Variants in PTPRD observed in about 807,000 individuals in gnomAD.
The protein encoded by PTPRD is protein tyrosine phosphatase receptor type D.
In PTPRD, 34 loss-of-function variants were observed where a neutral mutation model predicts 214.5. The observed-to-expected ratio is 0.16, with a 90% CI of 0.12 to 0.21. The LOEUF (loss-of-function observed/expected upper bound fraction) is 0.21. Among genes scored for constraint, PTPRD ranks in the 10% least tolerant of loss-of-function variants. The pLI is 1.00. For missense variants in PTPRD, 2,545 were observed against 2,398.7 expected, an observed-to-expected ratio of 1.06 and a Z score of -1.27; for synonymous variants, 1,128 against 845.7, an observed-to-expected ratio of 1.33 and a Z score of -5.79.
At chr9:10,257,247 T>A (rs2093352417) in intron 3 of PTPRD, among the ~76,000 whole-genome samples, 1 of 152,224 alleles carries the variant, frequency 6.6e-6, no homozygotes, top group Admixed American at 6.5e-5. Context: ...AGGTTGCCTA[T>A]ATCTGGTCCT....
intron 32 of PTPRD, among the ~76,000 whole-genome samples, chr9:8,464,824 CT>C (rs1056343256): frequency 6.6e-6 from 1 of 151,162 alleles, no homozygotes; most frequent in African/African-American, 2.4e-5. Flanking sequence ...GGAATTCTCT[CT>C]TTTATTAAAT....
chr9:10,213,137 G>C (rs2099524792), intron 3 of PTPRD, among the ~76,000 whole-genome samples: 1 of 152,044 alleles, frequency 6.6e-6, no homozygotes, highest in African/African-American at 2.4e-5. Context: ...CATGAAAAAT[G>C]TACTTTTATT....
In PTPRD at chr9:8,486,366, G is replaced by T. The variant is rs756235725; in HGVS notation, c.2468-17C>A. 51 of 1,604,208 alleles carry T rather than the reference G, an allele frequency of 3.2e-5. No homozygotes were observed. Among genetic ancestry groups the T allele is most frequent in the Non-Finnish European group, 4.2e-5 (49 of 1,171,232 alleles). ...TCCCTGGAACTGGAGCACATGGGAT[G>T]GAGTGGTAAGACCAACCAATCTGAA... On this transcript the variant is annotated splice_polypyrimidine_tract_variant and intron_variant, in intron 27 of 45. Transcript: ENST00000381196.
rs113064945 is a variant in PTPRD at position 9,112,328 on chromosome 9, G to C, written c.-143+70976C>G. ...GATGACTGTTTTAGAGGTAGAAGTA[G>C]TTAGGGGATCTGAGACACTTCTTAA... On this transcript the variant is annotated intron_variant, in intron 10 of 45. Coordinates refer to ENST00000381196, the MANE Select transcript of PTPRD (RefSeq NM_002839.4). Among the ~76,000 whole-genome samples the C allele has an allele frequency of 6.5e-3, 996 of 152,234 alleles. 11 individuals are homozygous for C. The highest frequency in any genetic ancestry group is 0.023 in the African/African-American group (953 of 41,552).
chr9:9,375,979 ATGTC>A (rs1277791564), intron 9 of PTPRD, among the ~76,000 whole-genome samples: 1 of 152,160 alleles, frequency 6.6e-6, no homozygotes, highest in Non-Finnish European at 1.5e-5. Context: ...ATAAAATAAA[ATGTC>A]TGTCAGGATT....
chr9:9,587,103 A>C (rs1280959161), intron 7 of PTPRD, among the ~76,000 whole-genome samples: 1 of 151,946 alleles, frequency 6.6e-6, no homozygotes, highest in African/African-American at 2.4e-5. Flanking sequence ...TGTTGTAAAG[A>C]GGGGAGACAA....
intron 35 of PTPRD, among the ~76,000 whole-genome samples, chr9:8,422,937 C>T (rs1172086143): frequency 6.6e-6 from 1 of 152,112 alleles, no homozygotes; most frequent in African/African-American, 2.4e-5. Context: ...TTTCATTGTT[C>T]ATTAACTATA....
chr9:9,360,192 T>C (rs34446606), intron 9 of PTPRD, among the ~76,000 whole-genome samples: 2,123 of 151,208 alleles, frequency 0.014, 44 homozygotes, highest in African/African-American at 0.048. Context: ...ATATTTTTCA[T>C]TTTGAGCATT....
At chr9:8,827,939 C>T (rs1036810465) in intron 11 of PTPRD, among the ~76,000 whole-genome samples, 3 of 152,088 alleles carry the variant, frequency 2.0e-5, no homozygotes, top group African/African-American at 7.2e-5. Context: ...TCTCAAAGCA[C>T]ATTTAATTAG....
At chr9:9,181,200 T>C (rs746366018) in intron 10 of PTPRD, among the ~76,000 whole-genome samples, 6 of 151,948 alleles carry the variant, frequency 3.9e-5, no homozygotes, top group Admixed American at 6.6e-5. Flanking sequence ...GCTCAACAAA[T>C]GATTTCAATA....
rs542833518 is a variant in PTPRD, at chr9:8,506,853, G to A, written c.1677+448C>T. On this transcript the variant is annotated intron_variant, in intron 22 of 45. Coordinates refer to ENST00000381196, the MANE Select transcript of PTPRD (RefSeq NM_002839.4). ...TTAGCAAACAAACATTTGCTATTGG[G>A]GAATCTTTGAAACCAGGGTGGAAAA... Among the ~76,000 whole-genome samples the A allele has an allele frequency of 1.1e-4, 16 of 152,122 alleles. No individual in the cohort carries two copies. In the East Asian group the frequency reaches 3.1e-3, roughly 29 times the overall value.
chr9:8,421,685 C>T (rs539265360), intron 35 of PTPRD, among the ~76,000 whole-genome samples: 1 of 152,246 alleles, frequency 6.6e-6, no homozygotes, highest in South Asian at 2.1e-4. Context: ...CAAACAACTC[C>T]TCAGTGCCCT....
intron 9 of PTPRD, among the ~76,000 whole-genome samples, chr9:9,350,969 G>T (rs117705830): frequency 6.6e-6 from 1 of 152,004 alleles, no homozygotes; most frequent in East Asian, 1.9e-4. Context: ...GTTTTTGTTC[G>T]TTTGTCTGTT....
intron 4 of PTPRD, among the ~76,000 whole-genome samples, chr9:9,968,780 A>G (rs2154039448): frequency 6.6e-6 from 1 of 152,346 alleles, no homozygotes; most frequent in Non-Finnish European, 1.5e-5. Flanking sequence ...CAACGCCGTT[A>G]ATCTCAACCT....
chr9:10,569,822 A>T (rs1328555200), intron 2 of PTPRD, among the ~76,000 whole-genome samples: 2 of 152,108 alleles, frequency 1.3e-5, no homozygotes, highest in Non-Finnish European at 2.9e-5. Flanking sequence ...TAATGCATAT[A>T]ACTAATGAGC....
intron 12 of PTPRD, among the ~76,000 whole-genome samples, chr9:8,700,118 T>C (rs557291861): frequency 3.7e-4 from 57 of 152,330 alleles, no homozygotes; most frequent in Middle Eastern, 6.8e-3. Flanking sequence ...TCAAATAGTT[T>C]GTATTTTCCA....
At chr9:8,893,094 T>C (rs1331193535) in intron 11 of PTPRD, among the ~76,000 whole-genome samples, 5 of 152,086 alleles carry the variant, frequency 3.3e-5, no homozygotes. Context: ...GACATTTAAT[T>C]AGGATGCTGA....
intron 5 of PTPRD, among the ~76,000 whole-genome samples, chr9:9,851,924 A>T (rs1454255164): frequency 1.3e-5 from 2 of 152,236 alleles, no homozygotes; most frequent in African/African-American, 4.8e-5. Flanking sequence ...CACAAAGTCT[A>T]TGAGCTATTT....
intron 12 of PTPRD, among the ~76,000 whole-genome samples, chr9:8,684,402 G>A (rs1480552647): frequency 6.6e-6 from 1 of 152,290 alleles, no homozygotes; most frequent in East Asian, 1.9e-4. Flanking sequence ...CAGCTGACAA[G>A]TGAACCAAGA....
Sources: gnomAD v4.1 joint callset for allele counts (sites outside exome capture counted in the v4.1 genomes callset) on GRCh38, gnomAD v4.1.1 for gene constraint, MANE v1.5 for transcripts, NCBI Gene and HGNC (gene_info 2026-07-23, HGNC 2026-07-21) for gene names.